EPHA5: variants seen among roughly 807,000 people sequenced by gnomAD.
The protein encoded by EPHA5 is ephrin type-A receptor 5.
In EPHA5, 60 loss-of-function variants were observed where a neutral mutation model predicts 105.0. That is an observed-to-expected ratio of 0.57 (90% CI 0.46 to 0.71). The LOEUF is 0.71. Ranked by LOEUF, EPHA5 falls within the 30% of genes least tolerant of loss-of-function variation. EPHA5 has a pLI of 0.00. For synonymous variants in EPHA5, 513 were observed against 449.1 expected, an observed-to-expected ratio of 1.14 and a Z score of -1.80; for missense variants, 1,218 against 1,274.7, an observed-to-expected ratio of 0.96 and a Z score of 0.68.
At chr4:65,324,455 G>A (rs1010493210) in intron 16 of EPHA5, among the ~76,000 whole-genome samples, 4 of 151,314 alleles carry the variant, frequency 2.6e-5, no homozygotes, top group Non-Finnish European at 5.9e-5. Flanking sequence ...TCTCATTTGT[G>A]GACATCACTA....
At chr4:65,501,921 C>T (rs1042204182) in intron 3 of EPHA5, among the ~76,000 whole-genome samples, 2 of 151,498 alleles carry the variant, frequency 1.3e-5, no homozygotes, top group African/African-American at 2.4e-5. Context: ...ACGAATGGAA[C>T]ATAATAGAGA....
chr4:65,656,864 A>G (rs1226144720), intron 1 of EPHA5, among the ~76,000 whole-genome samples: 1 of 150,944 alleles, frequency 6.6e-6, no homozygotes, highest in Non-Finnish European at 1.5e-5. Flanking sequence ...AATTCAAAGA[A>G]CTTTTATAGA....
chr4:65,610,776 G>A (rs1202524552), intron 2 of EPHA5, among the ~76,000 whole-genome samples: 3 of 152,128 alleles, frequency 2.0e-5, no homozygotes, highest in African/African-American at 7.2e-5. Flanking sequence ...TGTCAGTAAT[G>A]AGTGCCATGA....
intron 8 of EPHA5, among the ~76,000 whole-genome samples, chr4:65,370,006 T>G (rs1238790623): frequency 6.6e-6 from 1 of 152,090 alleles, no homozygotes; most frequent in Non-Finnish European, 1.5e-5. Context: ...TTTATCATAT[T>G]AAGAAACTGG....
intron 3 of EPHA5, among the ~76,000 whole-genome samples, chr4:65,499,998 C>A (rs1227272658): frequency 6.6e-6 from 1 of 150,600 alleles, no homozygotes; most frequent in East Asian, 1.9e-4. Context: ...TTCTTCACAC[C>A]CATGAAGATA....
At chr4:65,471,042 A>G (rs1729234035) in intron 5 of EPHA5, among the ~76,000 whole-genome samples, 1 of 152,186 alleles carries the variant, frequency 6.6e-6, no homozygotes, top group Non-Finnish European at 1.5e-5. Context: ...CATGTCCAAT[A>G]TCTATACATC....
At chr4:65,532,843 T>C (rs1304704061) in intron 3 of EPHA5, among the ~76,000 whole-genome samples, 1 of 151,898 alleles carries the variant, frequency 6.6e-6, no homozygotes, top group Non-Finnish European at 1.5e-5. Flanking sequence ...ATGGTCTCTT[T>C]AAGAGTAACA....
intron 13 of EPHA5, among the ~76,000 whole-genome samples, chr4:65,348,815 A>ATATATTTTT (rs71657404): frequency 1.4e-4 from 9 of 64,118 alleles, no homozygotes; most frequent in East Asian, 5.6e-4. Context: ...ATATATATAT[A>ATATATTTTT]TTTTTTTTTT....
intron 3 of EPHA5, among the ~76,000 whole-genome samples, chr4:65,597,277 C>T (rs1743284057): frequency 6.6e-6 from 1 of 152,096 alleles, no homozygotes; most frequent in South Asian, 2.1e-4. Flanking sequence ...CTACTTCATT[C>T]CACTAGCAAC....
intron 3 of EPHA5, among the ~76,000 whole-genome samples, chr4:65,563,546 ATACT>A (rs1167899671): frequency 1.3e-5 from 2 of 152,088 alleles, no homozygotes; most frequent in African/African-American, 4.8e-5. Context: ...TAAAAATTAA[ATACT>A]TAGTTGGCAG....
intron 2 of EPHA5, among the ~76,000 whole-genome samples, chr4:65,636,046 G>T (rs1345654535): frequency 6.6e-6 from 1 of 152,072 alleles, no homozygotes; most frequent in East Asian, 1.9e-4. Flanking sequence ...GATTCTAAAT[G>T]CTTTCATAAT....
chr4:65,600,776 C>A (rs915600954), intron 3 of EPHA5, among the ~76,000 whole-genome samples: 1 of 152,046 alleles, frequency 6.6e-6, no homozygotes, highest in Non-Finnish European at 1.5e-5. Flanking sequence ...TAAATAAAAA[C>A]ATGCTGCTTT....
In EPHA5 at chr4:65,601,870, A is replaced by G; in HGVS notation, c.681T>C (p.Arg227=). ...CAGAAGGGCATTTTTTATAGTATAC[A>G]CGCACAGAAACCAGAGCAATGCAAG... is the stretch of plus-strand genomic sequence containing the variant. ...VGACIALVSV[R]VYYKKCPSVV... Residue 227 remains arginine (R), a synonymous_variant, in exon 3 of 17, where the codon CGT becomes CGC. Coordinates refer to ENST00000613740, the MANE Select transcript of EPHA5 (RefSeq NM_001281766.3). The G allele has an allele frequency of 6.2e-7, 1 of 1,614,152 alleles. No individual in the cohort carries two copies. The highest frequency in any genetic ancestry group is 8.5e-7 in the Non-Finnish European group (1 of 1,180,022).
At chr4:65,438,236 CAAT>C in intron 5 of EPHA5, among the ~76,000 whole-genome samples, 1 of 151,950 alleles carries the variant, frequency 6.6e-6, no homozygotes, top group Non-Finnish European at 1.5e-5. Context: ...ATAATCATAA[CAAT>C]AACAAAATGT....
At chr4:65,536,149 C>A (rs1361610949) in intron 3 of EPHA5, among the ~76,000 whole-genome samples, 1 of 151,830 alleles carries the variant, frequency 6.6e-6, no homozygotes, top group Admixed American at 6.6e-5. Flanking sequence ...TCTTTAGTAA[C>A]ATAATATACT....
At chr4:65,402,968 T>C (rs535200788) in intron 8 of EPHA5, among the ~76,000 whole-genome samples, 2 of 152,072 alleles carry the variant, frequency 1.3e-5, no homozygotes, top group East Asian at 1.9e-4. Context: ...TAGATAGCTA[T>C]CCCCCTGGCT....
At chr4:65,346,712 A>C (rs1166616606) in intron 14 of EPHA5, among the ~76,000 whole-genome samples, 1 of 152,130 alleles carries the variant, frequency 6.6e-6, no homozygotes, top group Non-Finnish European at 1.5e-5. Context: ...GTGGGAGAAA[A>C]TTTTTGCAAT....
At position 65,389,384 on chromosome 4, in the gene EPHA5, C is replaced by A. The variant is rs373033764; in HGVS notation, c.1793+14990G>T. On this transcript the variant is annotated intron_variant, in intron 8 of 16. Coordinates refer to ENST00000613740, the MANE Select transcript of EPHA5 (RefSeq NM_001281766.3). Reference sequence around the variant, plus strand: ...CTTCATCTTATATTCTTGAATATTTCTGAAGATTCAACTCTTTTCTCTGTA... The same window carrying A: ...CTTCATCTTATATTCTTGAATATTTATGAAGATTCAACTCTTTTCTCTGTA... 7.0e-4 allele frequency among the ~76,000 whole-genome samples: 106 copies of A among 152,040 alleles called. 5 individuals are homozygous for A. In the South Asian group the frequency reaches 0.021, roughly 31 times the overall value.
chr4:65,442,592 A>G (rs920597891), intron 5 of EPHA5, among the ~76,000 whole-genome samples: 5 of 152,148 alleles, frequency 3.3e-5, no homozygotes, highest in Admixed American at 1.3e-4. Flanking sequence ...GTGTGTAGAA[A>G]CTGGACATCC....
Sources: allele counts gnomAD v4.1 joint callset (sites outside exome capture counted in the v4.1 genomes callset), GRCh38; gene constraint gnomAD v4.1.1; transcripts MANE v1.5; gene names NCBI Gene and HGNC (gene_info 2026-07-23, HGNC 2026-07-21).